The following SERPINI1 variants were observed in gnomAD, a reference collection of about 807,000 sequenced individuals.
The protein encoded by SERPINI1 is neuroserpin.
A neutral mutation model predicts 41.1 loss-of-function variants in SERPINI1; 19 were observed. The ratio of observed to expected loss-of-function variants is 0.46; its 90% CI spans 0.32 to 0.68. The LOEUF (loss-of-function observed/expected upper bound fraction) is 0.68. Ranked by LOEUF, SERPINI1 falls within the 30% of genes least tolerant of loss-of-function variation. The probability of loss-of-function intolerance (pLI) is 0.03; values close to 1 mark genes in which losing one functional copy is unlikely to be tolerated. For synonymous variants in SERPINI1, 138 were observed against 156.6 expected (o/e 0.88, Z 0.89); for missense variants, 460 against 479.2 (o/e 0.96, Z 0.37).
At chr3:167,788,965 T>A (rs759635331) in intron 1 of SERPINI1, 146 bp from the exon 2 acceptor site, 131 of 744,302 alleles carry the variant, frequency 1.8e-4, no homozygotes, top group Non-Finnish European at 2.5e-4. Flanking sequence ...ATCTTGTTCC[T>A]GGGAGAATCC....
chr3:167,749,098 TACTC>T (rs760178600), intron 1 of SERPINI1, among the ~76,000 whole-genome samples: 54 of 152,346 alleles, frequency 3.5e-4, no homozygotes, highest in East Asian at 1.2e-3. Flanking sequence ...TATTAAAAAT[TACTC>T]ACTGAGATAT....
intron 1 of SERPINI1, among the ~76,000 whole-genome samples, chr3:167,773,469 A>G (rs1262319600): frequency 6.6e-6 from 1 of 152,190 alleles, no homozygotes; most frequent in Non-Finnish European, 1.5e-5. Context: ...TCCTTGACAC[A>G]TCTTTCTACA....
At position 167,785,871 on chromosome 3, in the gene SERPINI1, A is replaced by C. The variant is rs150519245; in HGVS notation, c.-18-3240A>C. On this transcript the variant is annotated intron_variant, in intron 1 of 8. Coordinates refer to ENST00000446050, the MANE Select transcript of SERPINI1 (RefSeq NM_001122752.2). ...ATAGTTGTGTTATTGACTGACAGAT[A>C]CAAGTATCATACAGTAAATTTAATT... 1.4e-4 allele frequency among the ~76,000 whole-genome samples: 22 copies of C among 152,378 alleles called. No homozygotes were observed. In the East Asian group the frequency reaches 3.9e-3, roughly 27 times the overall value.
intron 1 of SERPINI1, among the ~76,000 whole-genome samples, chr3:167,736,433 A>G (rs372080444): frequency 6.6e-6 from 1 of 152,244 alleles, no homozygotes; most frequent in African/African-American, 2.4e-5. Context: ...ATTTTAATGA[A>G]TGGATAGTTA....
intron 1 of SERPINI1, among the ~76,000 whole-genome samples, chr3:167,775,833 T>C (rs905606519): frequency 6.6e-6 from 1 of 152,200 alleles, no homozygotes; most frequent in Admixed American, 6.5e-5. Flanking sequence ...AATGCAATTC[T>C]AAGTATTGCA....
chr3:167,756,338 C>G (rs1726192197), intron 1 of SERPINI1, among the ~76,000 whole-genome samples: 2 of 152,172 alleles, frequency 1.3e-5, no homozygotes, highest in Admixed American at 1.3e-4. Flanking sequence ...ACTCTGCTTG[C>G]CCAGGCTAGA....
chr3:167,753,982 T>G (rs1431418149), intron 1 of SERPINI1, among the ~76,000 whole-genome samples: 1 of 152,224 alleles, frequency 6.6e-6, no homozygotes, highest in African/African-American at 2.4e-5. Context: ...TAATGTTTTT[T>G]AAAAGGGGGA....
At chr3:167,768,980 T>TTTGTTTG (rs1726653727) in intron 1 of SERPINI1, among the ~76,000 whole-genome samples, 2 of 150,130 alleles carry the variant, frequency 1.3e-5, no homozygotes, top group African/African-American at 4.9e-5. Context: ...AATTTTGTTC[T>TTTGTTTG]TTTGTTTGTT....
intron 6 of SERPINI1, among the ~76,000 whole-genome samples, chr3:167,817,821 G>A (rs1049891545): frequency 1.3e-5 from 2 of 151,792 alleles, no homozygotes; most frequent in East Asian, 2.0e-4. Context: ...GGGTGGTCCC[G>A]ATCTCCTGAC....
At chr3:167,760,378 G>T (rs1343255694) in intron 1 of SERPINI1, among the ~76,000 whole-genome samples, 1 of 149,390 alleles carries the variant, frequency 6.7e-6, no homozygotes, top group Non-Finnish European at 1.5e-5. Context: ...TTCCTGACTG[G>T]CTTGGGAACT....
intron 1 of SERPINI1, among the ~76,000 whole-genome samples, chr3:167,750,870 C>G (rs748341977): frequency 8.5e-5 from 13 of 152,080 alleles, no homozygotes; most frequent in Admixed American, 2.6e-4. Context: ...ATATTTACTT[C>G]ACAGTATTTG....
intron 6 of SERPINI1, among the ~76,000 whole-genome samples, chr3:167,810,519 A>C (rs1711836332): frequency 6.6e-6 from 1 of 152,202 alleles, no homozygotes; most frequent in East Asian, 1.9e-4. Context: ...ATTATGTCTG[A>C]AAAAGTAAAG....
At chr3:167,749,531 A>G (rs1233217712) in intron 1 of SERPINI1, among the ~76,000 whole-genome samples, 1 of 152,216 alleles carries the variant, frequency 6.6e-6, no homozygotes, top group Admixed American at 6.5e-5. Context: ...TAAATCTAAT[A>G]GTGCACCAAC....
chr3:167,772,883 TATATATATATACACAC>T (rs1188124779), intron 1 of SERPINI1, among the ~76,000 whole-genome samples: 1 of 70,946 alleles, frequency 1.4e-5, no homozygotes, highest in Admixed American at 1.6e-4. Flanking sequence ...TATATATATA[TATATATATATACACAC>T]ACACACACAC....
At chr3:167,768,923 G>C (rs1726650530) in intron 1 of SERPINI1, among the ~76,000 whole-genome samples, 1 of 152,094 alleles carries the variant, frequency 6.6e-6, no homozygotes, top group Admixed American at 6.6e-5. Flanking sequence ...TTTTTTTATG[G>C]CTTCTTCCTA....
chr3:167,772,997 T>C (rs924327949), intron 1 of SERPINI1, among the ~76,000 whole-genome samples: 3 of 148,766 alleles, frequency 2.0e-5, no homozygotes, highest in South Asian at 2.1e-4. Context: ...TATATTTCTC[T>C]GAAGTTTATC....
chr3:167,742,880 C>T (rs1047563285), intron 1 of SERPINI1, among the ~76,000 whole-genome samples: 3 of 147,986 alleles, frequency 2.0e-5, no homozygotes, highest in Non-Finnish European at 4.5e-5. Flanking sequence ...CAACTCTAAC[C>T]TTCCCATACC....
intron 1 of SERPINI1, among the ~76,000 whole-genome samples, chr3:167,761,205 G>T (rs1280876213): frequency 6.6e-6 from 1 of 152,176 alleles, no homozygotes; most frequent in Non-Finnish European, 1.5e-5. Flanking sequence ...GGTTGCAACA[G>T]CTTTGAGGCT....
chr3:167,819,341 T>C (rs1326256954), intron 6 of SERPINI1, among the ~76,000 whole-genome samples: 1 of 152,024 alleles, frequency 6.6e-6, no homozygotes, highest in African/African-American at 2.4e-5. Flanking sequence ...GTGCTGATTT[T>C]ACCAACTAAA....
Sources: gnomAD v4.1 joint callset for allele counts (sites outside exome capture counted in the v4.1 genomes callset) on GRCh38, gnomAD v4.1.1 for gene constraint, MANE v1.5 for transcripts, NCBI Gene and HGNC (gene_info 2026-07-23, HGNC 2026-07-21) for gene names.